Variants in KLHL1 observed in about 807,000 individuals in gnomAD.
KLHL1 encodes kelch like family member 1.
KLHL1 carries 47 observed loss-of-function variants against 77.7 expected under a neutral mutation model. The observed-to-expected ratio is 0.60, with a 90% CI of 0.48 to 0.77. KLHL1 has a LOEUF of 0.77. KLHL1 is among the 30% of genes least tolerant of loss of function. The pLI is 0.00. For missense variants in KLHL1, 925 were observed against 910.8 expected (o/e 1.02, Z -0.20); for synonymous variants, 360 against 325.2 (o/e 1.11, Z -1.15).
At chr13:69,730,283 G>C (rs181452366) in intron 8 of KLHL1, among the ~76,000 whole-genome samples, 2,859 of 149,066 alleles carry the variant, frequency 0.019, 42 homozygotes, top group Middle Eastern at 0.044. Context: ...GTGTGTGTGT[G>C]TGTGTGTGTG....
rs1883322817 is a variant in KLHL1 at position 69,940,165 on chromosome 13, C to A, written c.889G>T (p.Val297Leu). ...AAACLLQLPQ[V>L]VEVCCHFLMK... is the part of the protein sequence containing the mutation. ...AGGAAGTGGCAGCACACTTCCACCA[C>A]CTGTGGAAGCTGAAGAAGGCACGCT... The change falls in exon 4 of 11, where the codon GTG becomes TTG. Residue 297 changes from valine (V) to leucine (L), a missense_variant. By Grantham distance (32) the Val-to-Leu change is conservative. Transcript: ENST00000377844. 1.2e-6 allele frequency: 2 copies of A among 1,612,066 alleles called. No individual in the cohort carries two copies.
chr13:69,838,814 C>T (rs55929819), intron 6 of KLHL1, among the ~76,000 whole-genome samples, 162 bp downstream of exon 6: 1 of 151,804 alleles, frequency 6.6e-6, no homozygotes, highest in Non-Finnish European at 1.5e-5. Flanking sequence ...AAGAAGCAGA[C>T]AGCAGCTACA....
chr13:69,797,583 G>A (rs1356399291), intron 6 of KLHL1, among the ~76,000 whole-genome samples: 3 of 151,636 alleles, frequency 2.0e-5, no homozygotes, highest in East Asian at 1.9e-4. Context: ...TTGGGAGGCC[G>A]AGACGGGCGG....
chr13:69,922,850 A>G (rs9529657), intron 4 of KLHL1, among the ~76,000 whole-genome samples: 74,451 of 151,870 alleles, frequency 0.49, 18,662 homozygotes, highest in East Asian at 0.67. Flanking sequence ...TAAGTTGGGT[A>G]GTACTTTCAT....
intron 6 of KLHL1, among the ~76,000 whole-genome samples, chr13:69,832,474 C>T (rs1878798710): frequency 6.7e-6 from 1 of 149,970 alleles, no homozygotes; most frequent in Non-Finnish European, 1.5e-5. Flanking sequence ...AATGGAAACA[C>T]ATCCCATGTT....
intron 8 of KLHL1, among the ~76,000 whole-genome samples, chr13:69,728,834 TTGAATGAA>T (rs900529879): frequency 1.3e-5 from 2 of 151,570 alleles, no homozygotes; most frequent in Admixed American, 6.6e-5. Context: ...ACATGAAGAT[TTGAATGAA>T]TGAATGAATG....
chr13:69,949,091 TC>T (rs200052226), intron 3 of KLHL1, among the ~76,000 whole-genome samples: 1,567 of 152,020 alleles, frequency 0.01, 28 homozygotes, highest in African/African-American at 0.035. Context: ...TATAACTGTT[TC>T]CCCCATTATT....
intron 4 of KLHL1, among the ~76,000 whole-genome samples, chr13:69,916,012 G>C (rs1172136880): frequency 1.3e-5 from 2 of 152,192 alleles, no homozygotes; most frequent in African/African-American, 4.8e-5. Context: ...CTGGCCATCA[G>C]AGAGATGCAA....
intron 5 of KLHL1, among the ~76,000 whole-genome samples, chr13:69,864,203 TAA>T (rs1347210949): frequency 2.6e-5 from 4 of 151,880 alleles, no homozygotes; most frequent in Admixed American, 6.6e-5. Flanking sequence ...GGCATGGTCA[TAA>T]AAAAGAGTAA....
At chr13:69,807,461 C>T (rs964937808) in intron 6 of KLHL1, among the ~76,000 whole-genome samples, 1 of 152,102 alleles carries the variant, frequency 6.6e-6, no homozygotes, top group Non-Finnish European at 1.5e-5. Flanking sequence ...TCTGCTCCCA[C>T]TGCTACCTAT....
chr13:70,106,865 C>T (rs998223515), intron 1 of KLHL1, among the ~76,000 whole-genome samples: 5 of 151,946 alleles, frequency 3.3e-5, no homozygotes, highest in Admixed American at 6.6e-5. Flanking sequence ...GATAATGGAA[C>T]GACTGATATA....
At chr13:69,803,357 C>G (rs1877474105) in intron 6 of KLHL1, among the ~76,000 whole-genome samples, 1 of 152,114 alleles carries the variant, frequency 6.6e-6, no homozygotes, top group African/African-American at 2.4e-5. Context: ...TCAGTTAACA[C>G]CTGGTACATC....
intron 4 of KLHL1, among the ~76,000 whole-genome samples, chr13:69,937,238 A>G (rs1438100867): frequency 1.3e-5 from 2 of 152,168 alleles, no homozygotes; most frequent in African/African-American, 4.8e-5. Flanking sequence ...CTAAAACTAT[A>G]CTTTGATATA....
rs556561122 is a variant in KLHL1, at chr13:70,102,732, T to C, written c.497+4471A>G. Among the ~76,000 whole-genome samples the C allele has an allele frequency of 4.6e-5, 7 of 152,336 alleles. No homozygotes were observed. In the East Asian group the frequency reaches 1.3e-3, roughly 29 times the overall value. ...AGTCTTCTTATCTATGTAATCATTA[T>C]ACCAGAGGGATACATAAATGTAGCA... On this transcript the variant is annotated intron_variant, in intron 1 of 10. Coordinates refer to ENST00000377844, the MANE Select transcript of KLHL1 (RefSeq NM_020866.3).
At chr13:69,731,832 T>A (rs1593781033) in intron 8 of KLHL1, among the ~76,000 whole-genome samples, 1 of 151,884 alleles carries the variant, frequency 6.6e-6, no homozygotes, top group Non-Finnish European at 1.5e-5. Flanking sequence ...TTGAAAAAAA[T>A]TAAGAGACTT....
chr13:70,103,286 G>A (rs752651653), intron 1 of KLHL1, among the ~76,000 whole-genome samples: 16 of 152,148 alleles, frequency 1.1e-4, no homozygotes, highest in Non-Finnish European at 2.1e-4. Flanking sequence ...AGGGTAAGGG[G>A]AAGGTTGGTA....
intron 1 of KLHL1, among the ~76,000 whole-genome samples, chr13:70,059,315 G>A (rs763494718): frequency 1.8e-4 from 27 of 151,974 alleles, no homozygotes; most frequent in Non-Finnish European, 3.7e-4. Flanking sequence ...GCATCACTAT[G>A]CCCAGCTAAT....
chr13:69,944,907 C>G (rs533314591), intron 3 of KLHL1, among the ~76,000 whole-genome samples: 1 of 151,706 alleles, frequency 6.6e-6, no homozygotes, highest in East Asian at 1.9e-4. Context: ...TTGATGTATA[C>G]CCCAAATGAT....
chr13:70,095,350 G>T (rs1357221223), intron 1 of KLHL1, among the ~76,000 whole-genome samples: 1 of 152,134 alleles, frequency 6.6e-6, no homozygotes, highest in East Asian at 1.9e-4. Flanking sequence ...ATCAGGAATT[G>T]ACTACATAAT....
Sources: allele counts gnomAD v4.1 joint callset (sites outside exome capture counted in the v4.1 genomes callset), GRCh38; gene constraint gnomAD v4.1.1; transcripts MANE v1.5; gene names NCBI Gene and HGNC (gene_info 2026-07-23, HGNC 2026-07-21).